FBXO16: variants seen among roughly 807,000 people sequenced by gnomAD.
The protein encoded by FBXO16 is F-box only protein 16.
A neutral mutation model predicts 41.0 loss-of-function variants in FBXO16; 31 were observed. That is an observed-to-expected ratio of 0.76 (90% confidence interval 0.57 to 1.02). FBXO16 has a LOEUF of 1.02. FBXO16 is among the 50% of genes least tolerant of loss of function. FBXO16 has a pLI of 0.00. For synonymous variants in FBXO16, 133 were observed against 117.8 expected (o/e 1.13, Z -0.84); for missense variants, 361 against 346.2 (o/e 1.04, Z -0.34).
chr8:28,451,108 C>A (rs180888391), intron 6 of FBXO16, among the ~76,000 whole-genome samples: 29 of 152,186 alleles, frequency 1.9e-4, no homozygotes, highest in African/African-American at 6.5e-4. Flanking sequence ...CCGCACTCAC[C>A]CAGACTTCTT....
intron 1 of FBXO16, among the ~76,000 whole-genome samples, chr8:28,483,827 G>A (rs760901261): frequency 3.9e-5 from 6 of 152,066 alleles, no homozygotes; most frequent in Non-Finnish European, 7.4e-5. Flanking sequence ...GCAGCAGAGC[G>A]AGACTCCACC....
chr8:28,487,883 T>C (rs7832970), intron 1 of FBXO16, among the ~76,000 whole-genome samples: 134,438 of 151,010 alleles, frequency 0.89, 59,922 homozygotes, highest in Middle Eastern at 0.92. Context: ...AGCAAAATCT[T>C]GCTCTGTCGC....
intron 7 of FBXO16, among the ~76,000 whole-genome samples, chr8:28,435,209 T>A (rs1802670188): frequency 6.6e-6 from 1 of 151,600 alleles, no homozygotes; most frequent in Non-Finnish European, 1.5e-5. Context: ...TCACTCTTGT[T>A]GCCCAGGCTG....
At chr8:28,429,438 G>C (rs771395032) in intron 7 of FBXO16, 35 bp from the exon 8 acceptor site, 61 of 1,612,768 alleles carry the variant, frequency 3.8e-5, no homozygotes, top group Admixed American at 5.0e-5. Flanking sequence ...AGAATGGAGA[G>C]AGGAAAAGAA....
Position 28,452,332 on chromosome 8 carries a change from G to C in FBXO16, c.652C>G (p.Pro218Ala). Residue 218 changes from proline (P) to alanine (A), a missense_variant, in exon 6 of 9, where the codon CCC (proline) becomes GCC (alanine). Pro to Ala is a conservative substitution (Grantham distance 27, BLOSUM62 -1). Transcript: ENST00000380254. ...KNNSGEKALP[P>A]WRSSDKHPTD... Reference sequence around the variant, plus strand: ...GGGTGCTTATCAGAAGATCGCCAGGGTGGAAGTGCTTTCTCCCCTGAGTTA... The same window carrying C: ...GGGTGCTTATCAGAAGATCGCCAGGCTGGAAGTGCTTTCTCCCCTGAGTTA... 6.2e-7 allele frequency: 1 copy of C among 1,614,194 alleles called. No individual in the cohort carries two copies. Among genetic ancestry groups the C allele is most frequent in the East Asian group, 2.2e-5 (1 of 44,886 alleles).
intron 1 of FBXO16, among the ~76,000 whole-genome samples, chr8:28,484,660 C>T (rs1329349196): frequency 6.6e-6 from 1 of 152,220 alleles, no homozygotes. Flanking sequence ...AGTACGATCT[C>T]GGCTCACTGC....
intron 2 of FBXO16, among the ~76,000 whole-genome samples, chr8:28,477,587 A>C (rs909880500): frequency 3.3e-5 from 5 of 152,206 alleles, no homozygotes; most frequent in Admixed American, 6.5e-5. Context: ...TGTATGTATA[A>C]TATACGATAC....
chr8:28,447,188 T>G lies in FBXO16; in HGVS notation c.826A>C (p.Arg276=). The change falls in exon 7 of 9, where the codon AGA becomes CGA. Residue 276 remains arginine (R), a synonymous_variant. Transcript: ENST00000380254. ...ATACTTACCATTGATTGTGCTTTTC[T>G]TAGCCTAGTTCTGTCCTGCAATTTA... ...KNKLQDRTRL[R]KAQSMMSRRN... 6.2e-7 allele frequency: 1 copy of G among 1,613,508 alleles called. No homozygotes were observed. Among genetic ancestry groups the G allele is most frequent in the Non-Finnish European group, 8.5e-7 (1 of 1,179,754 alleles).
intron 7 of FBXO16, among the ~76,000 whole-genome samples, chr8:28,446,176 CTTTTT>C (rs11421643): frequency 1.1e-3 from 92 of 83,072 alleles, no homozygotes; most frequent in African/African-American, 1.6e-3. Flanking sequence ...TGCATTTTTC[CTTTTT>C]TTTTTTTTTT....
chr8:28,453,234 C>T (rs1254498075), intron 5 of FBXO16, among the ~76,000 whole-genome samples: 1 of 149,348 alleles, frequency 6.7e-6, no homozygotes, highest in African/African-American at 2.6e-5. Context: ...AATTTGAATA[C>T]AGGACTGTCT....
chr8:28,458,520 T>A (rs1037694501), intron 4 of FBXO16, among the ~76,000 whole-genome samples: 3 of 151,108 alleles, frequency 2.0e-5, no homozygotes, highest in African/African-American at 7.3e-5. Flanking sequence ...CAATTCTCAT[T>A]CCTTTTCTCC....
chr8:28,456,129 T>C (rs1486339170), intron 5 of FBXO16, among the ~76,000 whole-genome samples: 2 of 152,180 alleles, frequency 1.3e-5, no homozygotes, highest in African/African-American at 4.8e-5. Context: ...AATTTTCCCA[T>C]AAATTATCTC....
At chr8:28,470,946 T>C (rs1356945285) in intron 3 of FBXO16, among the ~76,000 whole-genome samples, 2 of 152,236 alleles carry the variant, frequency 1.3e-5, no homozygotes, top group African/African-American at 4.8e-5. Flanking sequence ...ATCTACTTTA[T>C]TAAAATGGGT....
intron 7 of FBXO16, among the ~76,000 whole-genome samples, chr8:28,443,023 CTT>C (rs61693872): frequency 4.2e-5 from 6 of 143,046 alleles, no homozygotes; most frequent in South Asian, 2.3e-4. Context: ...ATTACTTGTA[CTT>C]TTTTTTTTTT....
chr8:28,469,399 A>T (rs751248896), intron 3 of FBXO16, among the ~76,000 whole-genome samples: 8 of 152,072 alleles, frequency 5.3e-5, no homozygotes, highest in Non-Finnish European at 5.9e-5. Context: ...AGGCATGATC[A>T]TCGTGCACTA....
At chr8:28,445,664 C>T (rs1802852312) in intron 7 of FBXO16, among the ~76,000 whole-genome samples, 2 of 152,180 alleles carry the variant, frequency 1.3e-5, no homozygotes, top group African/African-American at 4.8e-5. Flanking sequence ...GGACACATGT[C>T]TATGGTAAGC....
intron 4 of FBXO16, among the ~76,000 whole-genome samples, chr8:28,459,721 A>G (rs1446514631): frequency 6.6e-6 from 1 of 151,392 alleles, no homozygotes; most frequent in Non-Finnish European, 1.5e-5. Flanking sequence ...CCAGATTGCT[A>G]TGTTCTTTTA....
chr8:28,473,143 T>C (rs993251339), intron 3 of FBXO16, among the ~76,000 whole-genome samples: 1 of 152,242 alleles, frequency 6.6e-6, no homozygotes, highest in Non-Finnish European at 1.5e-5. Flanking sequence ...ATTCCCTTTT[T>C]GTCTCTTCTG....
At chr8:28,448,843 C>A (rs73230940) in intron 6 of FBXO16, 2 of 152,208 alleles carry the variant, frequency 1.3e-5, no homozygotes, top group African/African-American at 2.4e-5. Context: ...ATGCTTATTT[C>A]TTGCACATGG....
Sources: gnomAD v4.1 joint callset for allele counts (sites outside exome capture counted in the v4.1 genomes callset) on GRCh38, gnomAD v4.1.1 for gene constraint, MANE v1.5 for transcripts, NCBI Gene and HGNC (gene_info 2026-07-23, HGNC 2026-07-21) for gene names.